Variants in ABCC11 observed in about 807,000 individuals in gnomAD.
ABCC11 encodes the protein ATP-binding cassette sub-family C member 11.
Under a neutral mutation model 149.3 loss-of-function variants are expected in ABCC11, and 135 were observed. That is an observed-to-expected ratio of 0.90 (90% CI 0.79 to 1.04). The LOEUF (loss-of-function observed/expected upper bound fraction) is 1.04. Ranked by LOEUF, ABCC11 falls within the 50% of genes least tolerant of loss-of-function variation. ABCC11 has a pLI of 0.00. For missense variants in ABCC11, 1,680 were observed against 1,722.1 expected (o/e 0.98, Z 0.43); for synonymous variants, 665 against 671.4 (o/e 0.99, Z 0.15).
In ABCC11 at chr16:48,215,346, T is replaced by C. The variant is rs2150874939; in HGVS notation, c.952-2A>G. 6.2e-7 allele frequency: 1 copy of C among 1,612,758 alleles called. No individual in the cohort carries two copies. On this transcript the variant is annotated splice_acceptor_variant, in intron 7 of 29. Transcript: ENST00000356608. LOFTEE classifies it high-confidence loss of function. ...CACAGCCATTCTTGTCATGAATACC[T>C]GGAGTCAGGATACAGCAAGTTTGGA...
intron 15 of ABCC11, among the ~76,000 whole-genome samples, 168 bp downstream of exon 15, chr16:48,200,108 A>G (rs1306346114): frequency 2.0e-5 from 3 of 152,220 alleles, no homozygotes; most frequent in African/African-American, 7.2e-5. Flanking sequence ...TTGTGTGGAA[A>G]GCAGAGGAAA....
intron 2 of ABCC11, among the ~76,000 whole-genome samples, chr16:48,230,891 T>C (rs1293413485): frequency 6.6e-6 from 1 of 152,190 alleles, no homozygotes; most frequent in Non-Finnish European, 1.5e-5. Context: ...AGTCACTCTT[T>C]GAGGGTAAAT....
In ABCC11 at chr16:48,192,515, C is replaced by T. The variant is rs1567500629; in HGVS notation, c.2706+5G>A. 8 of 1,614,108 alleles carry T rather than the reference C, an allele frequency of 5.0e-6. No homozygotes were observed. The highest frequency in any genetic ancestry group is 6.8e-6 in the Non-Finnish European group (8 of 1,179,956). Reference sequence around the variant, plus strand: ...TTCGGCCCCACCCAGCACCCAGGCCCATACCTTGTTGAAGAGCTTGTTGTG... The same window carrying T: ...TTCGGCCCCACCCAGCACCCAGGCCTATACCTTGTTGAAGAGCTTGTTGTG... On this transcript the variant is annotated splice_donor_5th_base_variant and intron_variant, in intron 20 of 29. Coordinates refer to ENST00000356608, the MANE Select transcript of ABCC11 (RefSeq NM_001370497.1).
At chr16:48,244,595 C>G (rs1401088380) in intron 1 of ABCC11, 1 of 1,485,040 alleles carries the variant, frequency 6.7e-7, no homozygotes, top group Non-Finnish European at 8.9e-7. Context: ...CCGCCAGCGA[C>G]GCGCAGGACC....
At chr16:48,191,938 C>A (rs1321660725) in intron 20 of ABCC11, among the ~76,000 whole-genome samples, 1 of 151,986 alleles carries the variant, frequency 6.6e-6, no homozygotes, top group Non-Finnish European at 1.5e-5. Flanking sequence ...ATGTAACTAA[C>A]CTGCATGTGC....
chr16:48,180,607 G>A (rs1028120124), intron 23 of ABCC11, among the ~76,000 whole-genome samples: 6 of 152,226 alleles, frequency 3.9e-5, no homozygotes, highest in Non-Finnish European at 7.3e-5. Context: ...GCAATGTGAT[G>A]TGTGATTCCT....
At chr16:48,237,306 G>T (rs187346186) in intron 1 of ABCC11, among the ~76,000 whole-genome samples, 1 of 152,312 alleles carries the variant, frequency 6.6e-6, no homozygotes, top group African/African-American at 2.4e-5. Flanking sequence ...CCTCATTATA[G>T]CCAGGATCTT....
rs543461286 is a variant in ABCC11, at chr16:48,219,580, T to C, written c.777+3018A>G. 2.0e-5 allele frequency among the ~76,000 whole-genome samples: 3 copies of C among 152,340 alleles called. No individual in the cohort carries two copies. In the South Asian group the frequency reaches 6.2e-4, roughly 32 times the overall value. ...AGGCAACTTCTATACTATTTTATTTTGTTTCCAAGGAGAATGTATTCAGAT... is the reference window on the plus strand; with the variant it reads ...AGGCAACTTCTATACTATTTTATTTCGTTTCCAAGGAGAATGTATTCAGAT... On this transcript the variant is annotated intron_variant, in intron 6 of 29. Transcript: ENST00000356608.
At chr16:48,232,105 C>A in intron 1 of ABCC11, 166 bp from the exon 2 acceptor site, 1 of 1,365,472 alleles carries the variant, frequency 7.3e-7, no homozygotes, top group Non-Finnish European at 9.5e-7. Flanking sequence ...TGTGCTTGAT[C>A]CCTCTTTTTA....
At position 48,186,882 on chromosome 16, in the gene ABCC11, G is replaced by A. The variant is rs1244312376; in HGVS notation, c.3071+71C>T. The A allele has an allele frequency of 6.4e-6, 10 of 1,568,154 alleles. No homozygotes were observed. In the African/African-American group the frequency reaches 6.8e-5, roughly 11 times the overall value. On this transcript the variant is annotated intron_variant, in intron 22 of 29. Coordinates refer to ENST00000356608, the MANE Select transcript of ABCC11 (RefSeq NM_001370497.1). ...TTTGAAGATGATGCCACTCCCAGAC[G>A]CTCCATTCTTTCCCTGCTCCCCACC...
At chr16:48,189,461 C>T (rs766406367) in intron 20 of ABCC11, among the ~76,000 whole-genome samples, 34 of 152,166 alleles carry the variant, frequency 2.2e-4, no homozygotes, top group Admixed American at 1.3e-4. Context: ...TGCAGTTGAG[C>T]GAACTTTTTA....
intron 12 of ABCC11, among the ~76,000 whole-genome samples, chr16:48,207,955 A>T (rs1048110208): frequency 6.6e-6 from 1 of 150,814 alleles, no homozygotes; most frequent in East Asian, 1.9e-4. Context: ...CTCCCCCCAC[A>T]TTTCTCTTCC....
At chr16:48,167,460 C>T (rs1965405305) in intron 29 of ABCC11, 36 bp downstream of exon 29, 1 of 1,612,906 alleles carries the variant, frequency 6.2e-7, no homozygotes, top group African/African-American at 1.3e-5. Flanking sequence ...AGCCTGAGCC[C>T]TCATCCTCCC....
intron 13 of ABCC11, among the ~76,000 whole-genome samples, chr16:48,203,642 C>CA (rs1380823119): frequency 6.6e-6 from 1 of 152,056 alleles, no homozygotes; most frequent in Non-Finnish European, 1.5e-5. Flanking sequence ...CCAAGGAGGG[C>CA]AAATCACCTG....
chr16:48,192,433 T>TAAAAAATA, intron 20 of ABCC11, 87 bp downstream of exon 20: 10 of 1,450,470 alleles, frequency 6.9e-6, no homozygotes, highest in South Asian at 5.2e-5. Flanking sequence ...TACAGAGCTC[T>TAAAAAATA]AAAAAATAAA....
intron 20 of ABCC11, among the ~76,000 whole-genome samples, chr16:48,188,439 C>T (rs1966843321): frequency 6.6e-6 from 1 of 152,218 alleles, no homozygotes; most frequent in African/African-American, 2.4e-5. Context: ...AGATTAGGAG[C>T]AGCAATCCTA....
rs1965374886 is a variant in ABCC11, at chr16:48,167,105, C to G, written c.*169G>C. 1 of 616,204 alleles carries G rather than the reference C, an allele frequency of 1.6e-6. No individual in the cohort carries two copies. 38.2% of individuals were successfully genotyped at this position (616,204 alleles called of 1,614,324 possible). A position where few individuals can be genotyped will look rare whatever the true frequency, so the allele number is the denominator to read the frequency against. ...TAAGGTCTTGAGAGCCATCAAGTAGCCTATTCCAGGGTTTCCATCCAGCAA... is the reference window on the plus strand; with the variant it reads ...TAAGGTCTTGAGAGCCATCAAGTAGGCTATTCCAGGGTTTCCATCCAGCAA... On this transcript the variant is annotated 3_prime_UTR_variant, in exon 30 of 30. Transcript: ENST00000356608.
At chr16:48,226,072 C>CATTATTATTATTATTATTATTATT (rs141311389) in intron 4 of ABCC11, among the ~76,000 whole-genome samples, 2,653 of 150,176 alleles carry the variant, frequency 0.018, 60 homozygotes, top group African/African-American at 0.055. Flanking sequence ...TTTCCAGGTA[C>CATTATTATTATTATTATTATTATT]ATTATTATTA....
At position 48,198,087 on chromosome 16, in the gene ABCC11, C is replaced by G. The variant is rs772436568; in HGVS notation, c.2218-20G>C. 1 of 1,614,108 alleles carries G rather than the reference C, an allele frequency of 6.2e-7. No homozygotes were observed. Among genetic ancestry groups the G allele is most frequent in the East Asian group, 2.2e-5 (1 of 44,876 alleles). On this transcript the variant is annotated intron_variant, in intron 16 of 29. Coordinates refer to ENST00000356608, the MANE Select transcript of ABCC11 (RefSeq NM_001370497.1). ...CATGTCCTGGGGAGAGAGCACAGGC[C>G]CTGAGTACACGTGCGTCCACCGTGG... is the stretch of plus-strand genomic sequence containing the variant.
Sources: gnomAD v4.1 joint callset for allele counts (sites outside exome capture counted in the v4.1 genomes callset) on GRCh38, gnomAD v4.1.1 for gene constraint, MANE v1.5 for transcripts, NCBI Gene and HGNC (gene_info 2026-07-23, HGNC 2026-07-21) for gene names.